Variants in PDE4B observed in about 807,000 individuals in gnomAD.
The protein encoded by PDE4B is phosphodiesterase 4B.
Under a neutral mutation model 82.2 loss-of-function variants are expected in PDE4B, and 20 were observed. The ratio of observed to expected loss-of-function variants is 0.24; its 90% CI spans 0.17 to 0.35. The LOEUF is 0.35. Ranked by LOEUF, PDE4B falls within the 10% of genes least tolerant of loss-of-function variation. The pLI is 1.00. For synonymous variants in PDE4B, 320 were observed against 318.9 expected, an observed-to-expected ratio of 1.00 and a Z score of -0.04; for missense variants, 655 against 907.2, an observed-to-expected ratio of 0.72 and a Z score of 3.57.
chr1:66,327,053 A>G (rs1188416670), intron 7 of PDE4B, among the ~76,000 whole-genome samples: 1 of 152,184 alleles, frequency 6.6e-6, no homozygotes, highest in East Asian at 1.9e-4. Context: ...AACTGCTAAA[A>G]TGTGTCCCCA....
intron 3 of PDE4B, among the ~76,000 whole-genome samples, chr1:66,059,397 C>A (rs1404189463): frequency 6.6e-6 from 1 of 152,140 alleles, no homozygotes; most frequent in Non-Finnish European, 1.5e-5. Context: ...TTTTCAGCAG[C>A]CCCCCACTCT....
At chr1:65,886,700 C>A (rs1199306863) in intron 1 of PDE4B, among the ~76,000 whole-genome samples, 2 of 152,116 alleles carry the variant, frequency 1.3e-5, no homozygotes, top group African/African-American at 4.8e-5. Flanking sequence ...CATGTTGCTG[C>A]AAATGACATT....
chr1:66,047,304 A>G (rs564734491), intron 3 of PDE4B, among the ~76,000 whole-genome samples: 3 of 152,008 alleles, frequency 2.0e-5, no homozygotes, highest in African/African-American at 4.8e-5. Context: ...TAGGGATAAA[A>G]TGACACCTAC....
intron 3 of PDE4B, among the ~76,000 whole-genome samples, chr1:65,927,769 C>T (rs1647589435): frequency 6.6e-6 from 1 of 152,114 alleles, no homozygotes; most frequent in African/African-American, 2.4e-5. Context: ...AGAGGCAGCT[C>T]TAATGGCTTC....
intron 7 of PDE4B, chr1:66,331,715 A>T: frequency 1.0e-6 from 1 of 984,566 alleles, no homozygotes; most frequent in South Asian, 4.7e-5. Context: ...TTTCCCTGTG[A>T]TCCTGGCACT....
intron 3 of PDE4B, among the ~76,000 whole-genome samples, chr1:65,929,258 G>A (rs560989304): frequency 1.4e-4 from 21 of 152,282 alleles, no homozygotes; most frequent in Non-Finnish European, 2.6e-4. Flanking sequence ...TCAGACAAAG[G>A]TAGAAAGGCT....
intron 9 of PDE4B, among the ~76,000 whole-genome samples, chr1:66,357,904 G>A (rs1244020510): frequency 1.3e-5 from 2 of 151,956 alleles, no homozygotes; most frequent in Non-Finnish European, 2.9e-5. Context: ...GACATACCTG[G>A]CCATCTAGAT....
intron 1 of PDE4B, among the ~76,000 whole-genome samples, chr1:65,833,296 A>G (rs1198719414): frequency 1.3e-5 from 2 of 152,222 alleles, no homozygotes; most frequent in Non-Finnish European, 2.9e-5. Flanking sequence ...TAAATTATGC[A>G]ACCGCTTTGT....
intron 7 of PDE4B, among the ~76,000 whole-genome samples, chr1:66,270,133 T>C (rs1187699661): frequency 6.6e-6 from 1 of 152,198 alleles, no homozygotes; most frequent in Admixed American, 6.5e-5. Context: ...CAGATACTAA[T>C]GATATCAAAG....
chr1:66,284,288 T>C (rs1018090217), intron 7 of PDE4B, among the ~76,000 whole-genome samples: 2 of 152,190 alleles, frequency 1.3e-5, no homozygotes, highest in Non-Finnish European at 2.9e-5. Context: ...TCATTCATTA[T>C]ACGCCAAGTG....
At chr1:66,167,741 C>G (rs1014568615) in intron 3 of PDE4B, among the ~76,000 whole-genome samples, 1 of 152,198 alleles carries the variant, frequency 6.6e-6, no homozygotes, top group Non-Finnish European at 1.5e-5. Context: ...CAAAGTCTCT[C>G]CCTGTGGTTA....
chr1:65,928,821 A>G (rs1273833048), intron 3 of PDE4B, among the ~76,000 whole-genome samples: 1 of 152,196 alleles, frequency 6.6e-6, no homozygotes. Flanking sequence ...ACAGTGGGCC[A>G]TCTTTTAGTC....
At chr1:66,091,646 CAT>C (rs1413555338) in intron 3 of PDE4B, among the ~76,000 whole-genome samples, 3 of 151,986 alleles carry the variant, frequency 2.0e-5, no homozygotes, top group African/African-American at 7.2e-5. Flanking sequence ...AAAAAAATTA[CAT>C]GAGAGGTCAT....
chr1:65,866,973 TGTG>T (rs1313841218), intron 1 of PDE4B, among the ~76,000 whole-genome samples: 2 of 152,210 alleles, frequency 1.3e-5, no homozygotes, highest in Admixed American at 6.5e-5. Context: ...ATAATGGTAT[TGTG>T]GTGTTTTAAC....
rs10654385 is a variant in PDE4B at position 66,139,735 on chromosome 1, CAAAAAAA to C, written c.282-107714_282-107708del. Among the ~76,000 whole-genome samples, 42 of 100,054 alleles carry C rather than the reference CAAAAAAA, an allele frequency of 4.2e-4. 1 individual carries two copies. Among genetic ancestry groups the C allele is most frequent in the Admixed American group, 4.2e-3 (40 of 9,534 alleles). The allele number at this position is 100,054 out of a possible 152,430, so 65.6% of individuals were successfully genotyped here. On this transcript the variant is annotated intron_variant, in intron 3 of 16. Transcript: ENST00000341517. The stretch of plus-strand genomic sequence containing the variant: ...ACTTAAATAATTCCCCCTCCCCCCT[CAAAAAAA>C]AAAAAAAAAACAAAAAACAACAACC...
At chr1:66,199,099 G>A (rs1056907975) in intron 3 of PDE4B, among the ~76,000 whole-genome samples, 1 of 151,774 alleles carries the variant, frequency 6.6e-6, no homozygotes, top group Non-Finnish European at 1.5e-5. Flanking sequence ...ATAGCAGCAT[G>A]ATTTATAGTC....
chr1:65,957,236 G>A (rs948898975), intron 3 of PDE4B, among the ~76,000 whole-genome samples: 4 of 150,922 alleles, frequency 2.7e-5, no homozygotes, highest in African/African-American at 7.3e-5. Flanking sequence ...TATTTTATAT[G>A]GTCAATGCTT....
At chr1:66,245,517 G>T (rs965968965) in intron 3 of PDE4B, among the ~76,000 whole-genome samples, 1 of 152,168 alleles carries the variant, frequency 6.6e-6, no homozygotes, top group African/African-American at 2.4e-5. Flanking sequence ...AACTACGATA[G>T]ATCTCACCCA....
chr1:65,815,543 T>C (rs1009114124), intron 1 of PDE4B, among the ~76,000 whole-genome samples: 14 of 152,252 alleles, frequency 9.2e-5, no homozygotes, highest in African/African-American at 1.2e-4. Flanking sequence ...GGCTGAAGTG[T>C]GTATGGAAAC....
Sources: gnomAD v4.1 joint callset for allele counts (sites outside exome capture counted in the v4.1 genomes callset) on GRCh38, gnomAD v4.1.1 for gene constraint, MANE v1.5 for transcripts, NCBI Gene and HGNC (gene_info 2026-07-23, HGNC 2026-07-21) for gene names.